Variants in ACACA observed in about 807,000 individuals in gnomAD.
ACACA encodes acetyl-CoA carboxylase 1.
ACACA carries 103 observed loss-of-function variants against 296.1 expected under a neutral mutation model. That is an observed-to-expected ratio of 0.35 (90% confidence interval 0.30 to 0.41). The LOEUF (loss-of-function observed/expected upper bound fraction) is 0.41. ACACA is among the 10% of genes least tolerant of loss of function. The pLI is 1.00. For synonymous variants in ACACA, 953 were observed against 1,038.6 expected (o/e 0.92, Z 1.58); for missense variants, 1,554 against 2,989.7 (o/e 0.52, Z 11.20).
At chr17:37,285,760 G>C (rs1257232015) in intron 3 of ACACA, among the ~76,000 whole-genome samples, 1 of 152,088 alleles carries the variant, frequency 6.6e-6, no homozygotes, top group Non-Finnish European at 1.5e-5. Context: ...GGCACGTGTG[G>C]TTGAGGCTGC....
At chr17:37,314,274 T>A (rs56223345) in intron 3 of ACACA, among the ~76,000 whole-genome samples, 91 of 151,876 alleles carry the variant, frequency 6.0e-4, no homozygotes, top group African/African-American at 2.2e-3. Context: ...TAATTTTTTG[T>A]ATTTTTAGTA....
intron 11 of ACACA, 62 bp from the exon 12 acceptor site, chr17:37,259,592 A>G (rs2081355187): frequency 1.3e-6 from 2 of 1,579,438 alleles, no homozygotes; most frequent in African/African-American, 1.3e-5. Flanking sequence ...AGACCACTAC[A>G]GCCTCTCACT....
chr17:37,221,161 A>T lies in ACACA; in HGVS notation c.3683+563T>A, dbSNP rs537272976. ...TTTATTTTTTAAAAGACAGGAAGGG[A>T]CAAATAATGTAATTATCATGGCTTA... On this transcript the variant is annotated intron_variant, in intron 29 of 55. Coordinates refer to ENST00000616317, the MANE Select transcript of ACACA (RefSeq NM_198834.3). 6.6e-5 allele frequency among the ~76,000 whole-genome samples: 10 copies of T among 152,368 alleles called. No homozygotes were observed. The South Asian group carries it at 2.1e-3, about 32-fold the overall frequency.
chr17:37,271,502 C>T (rs907524587), intron 9 of ACACA, among the ~76,000 whole-genome samples: 10 of 151,312 alleles, frequency 6.6e-5, no homozygotes, highest in Admixed American at 4.6e-4. Context: ...GCAACAAGAG[C>T]GAAACTCCAT....
chr17:37,353,158 G>A (rs891168636), intron 1 of ACACA, among the ~76,000 whole-genome samples: 2 of 152,078 alleles, frequency 1.3e-5, no homozygotes, highest in Non-Finnish European at 2.9e-5. Context: ...CCTTGCCAGG[G>A]CCAGGAATAC....
Position 37,257,706 on chromosome 17 carries a change from A to G in ACACA, c.1823T>C (p.Ile608Thr). ...AATCAAATGCTATTATACTCACGAA[A>G]TTGCCTCTTCTCTGTTTTCTCCCCA... Reference protein sequence around the residue: ...FSWGENREEAISNMVVALKEL... With the variant: ...FSWGENREEATSNMVVALKEL... The change falls in exon 14 of 56, where the codon ATT (isoleucine) becomes ACT (threonine). Residue 608 changes from isoleucine to threonine, a missense_variant. Ile to Thr is a moderately conservative substitution (Grantham distance 89, BLOSUM62 -1). This residue lies in a region of ACACA where 35 missense variants were observed against 139.4 expected (regional missense o/e 0.25). Transcript: ENST00000616317. 2 of 1,613,968 alleles carry G rather than the reference A, an allele frequency of 1.2e-6. No homozygotes were observed. Among genetic ancestry groups the G allele is most frequent in the South Asian group, 2.2e-5 (2 of 91,072 alleles).
intron 29 of ACACA, chr17:37,221,488 T>C: frequency 1.8e-6 from 1 of 570,074 alleles, no homozygotes. Flanking sequence ...CTCAGTGACA[T>C]AATACAAGCA....
At chr17:37,314,153 A>C (rs2046976250) in intron 3 of ACACA, among the ~76,000 whole-genome samples, 1 of 142,090 alleles carries the variant, frequency 7.0e-6, no homozygotes, top group Admixed American at 7.6e-5. Flanking sequence ...CCCAGGCTGG[A>C]GTGCAGTGGC....
At chr17:37,162,723 C>A in intron 41 of ACACA, 1 of 229,430 alleles carries the variant, frequency 4.4e-6, no homozygotes, top group South Asian at 5.8e-5. Flanking sequence ...TGCACCTAAT[C>A]ATGTCATTGT....
chr17:37,144,160 G>A (rs1229499010), intron 45 of ACACA: 7 of 748,352 alleles, frequency 9.4e-6, no homozygotes, highest in Non-Finnish European at 1.7e-5. Flanking sequence ...CCACCTCTCT[G>A]AGCACTTCTT....
At chr17:37,218,299 T>C (rs917246190) in intron 29 of ACACA, among the ~76,000 whole-genome samples, 29 of 152,160 alleles carry the variant, frequency 1.9e-4, no homozygotes, top group African/African-American at 6.8e-4. Flanking sequence ...GCTGTAAGTA[T>C]AGAATACGTG....
At chr17:37,368,208 G>T (rs1471084630) in intron 1 of ACACA, among the ~76,000 whole-genome samples, 2 of 152,230 alleles carry the variant, frequency 1.3e-5, no homozygotes, top group African/African-American at 2.4e-5. Flanking sequence ...AGGGGCGGAG[G>T]TTGCAGTGAG....
chr17:37,188,442 T>C lies in ACACA; in HGVS notation c.4611A>G (p.Gly1537=), dbSNP rs373038312. ...GGACGCGCAATTTCCACAGGCGACT[T>C]CCATACCGCATTACCATGCTCCGCA... ...ESVRSMVMRY[G]SRLWKLRVLQ... Residue 1537 remains glycine, a synonymous_variant, in exon 39 of 56, where the codon GGA becomes GGG. Transcript: ENST00000616317. The C allele has an allele frequency of 6.8e-6, 11 of 1,613,350 alleles. No individual in the cohort carries two copies. In the African/African-American group the frequency reaches 1.3e-4, roughly 20 times the overall value.
chr17:37,181,760 C>T (rs1480211647), intron 39 of ACACA, among the ~76,000 whole-genome samples: 3 of 151,554 alleles, frequency 2.0e-5, no homozygotes, highest in East Asian at 1.9e-4. Flanking sequence ...ATTAGCTGGG[C>T]GTGGTGGTGG....
At chr17:37,305,383 T>C (rs760979253) in intron 3 of ACACA, among the ~76,000 whole-genome samples, 4 of 152,238 alleles carry the variant, frequency 2.6e-5, no homozygotes, top group Non-Finnish European at 5.9e-5. Flanking sequence ...CTTGGTTTTA[T>C]GTTTAAATGT....
chr17:37,391,759 T>A, intron 1 of ACACA: 1 of 1,542,786 alleles, frequency 6.5e-7, no homozygotes. Flanking sequence ...TGAATGATAC[T>A]ACACAGTCCT....
At chr17:37,087,667 A>C (rs944962736) in intron 55 of ACACA, among the ~76,000 whole-genome samples, 28 of 151,916 alleles carry the variant, frequency 1.8e-4, no homozygotes, top group Non-Finnish European at 2.8e-4. Flanking sequence ...AACAAAACCC[A>C]AAAAAAACCC....
Position 37,200,437 on chromosome 17 carries a change from A to G in ACACA, c.4103T>C (p.Val1368Ala), listed in dbSNP as rs977410507. The part of the protein sequence containing the change: ...DHGIRRLTFL[V>A]AQKDFRKQVN... The stretch of plus-strand genomic sequence containing the variant: ...TTCACATGTCAGTACCTTTTGTGCA[A>G]CCAGGAAAGTAAGGCGCCGGATCCC... Residue 1368 changes from valine to alanine, a missense_variant, in exon 34 of 56, where the codon GTT becomes GCT. Coordinates refer to ENST00000616317, the MANE Select transcript of ACACA (RefSeq NM_198834.3). 6.8e-6 allele frequency: 11 copies of G among 1,612,572 alleles called. No individual in the cohort carries two copies. Among genetic ancestry groups the G allele is most frequent in the Non-Finnish European group, 9.3e-6 (11 of 1,178,694 alleles).
chr17:37,339,930 T>C, intron 1 of ACACA, 80 bp from the exon 2 acceptor site: 2 of 750,214 alleles, frequency 2.7e-6, no homozygotes, highest in East Asian at 5.0e-5. Context: ...CTCAGCATAA[T>C]ACAAAGGTAA....
Sources: allele counts gnomAD v4.1 joint callset (sites outside exome capture counted in the v4.1 genomes callset), GRCh38; gene constraint gnomAD v4.1.1; regional missense constraint gnomAD v4.1.1; transcripts MANE v1.5; gene names NCBI Gene and HGNC (gene_info 2026-07-23, HGNC 2026-07-21).